Variants in MYO1E observed in about 807,000 individuals in gnomAD.
MYO1E encodes myosin IE.
In MYO1E, 68 loss-of-function variants were observed where a neutral mutation model predicts 151.1. The ratio of observed to expected loss-of-function variants is 0.45; its 90% CI spans 0.37 to 0.55. The LOEUF (loss-of-function observed/expected upper bound fraction) is 0.55. MYO1E is among the 20% of genes least tolerant of loss of function. The pLI is 0.00. For missense variants in MYO1E, 1,363 were observed against 1,389.3 expected, an observed-to-expected ratio of 0.98 and a Z score of 0.30; for synonymous variants, 601 against 501.7, an observed-to-expected ratio of 1.20 and a Z score of -2.64.
chr15:59,176,065 T>TTGG (rs2079622972), intron 19 of MYO1E, among the ~76,000 whole-genome samples: 1 of 151,956 alleles, frequency 6.6e-6, no homozygotes, highest in Non-Finnish European at 1.5e-5. Flanking sequence ...GTTGTTGTTG[T>TTGG]TGTTGTTTTC....
chr15:59,356,237 C>T (rs187662427), intron 1 of MYO1E, among the ~76,000 whole-genome samples: 56 of 152,300 alleles, frequency 3.7e-4, no homozygotes, highest in African/African-American at 1.3e-3. Flanking sequence ...CTTTCAGGTG[C>T]CCTTTTAAGT....
At chr15:59,254,746 TTGTG>T (rs2080184460) in intron 4 of MYO1E, among the ~76,000 whole-genome samples, 1 of 152,178 alleles carries the variant, frequency 6.6e-6, no homozygotes, top group African/African-American at 2.4e-5. Flanking sequence ...TATGATAAGA[TTGTG>T]AACTGTCAAA....
Position 59,135,376 on chromosome 15 carries a change from G to A in MYO1E, c.*2004C>T, listed in dbSNP as rs150465578. ...ATGATAACAAGGGAAGATGGTCCTG[G>A]TGTTCCTGCCCTGAGAACGCAGCCT... On this transcript the variant is annotated 3_prime_UTR_variant, in exon 28 of 28. Transcript: ENST00000288235. The A allele has an allele frequency of 2.5e-4, 38 of 151,304 alleles. No individual in the cohort carries two copies. The highest frequency in any genetic ancestry group is 9.1e-4 in the African/African-American group (37 of 40,734). 9.4% of individuals were successfully genotyped at this position (151,304 alleles called of 1,614,324 possible). A position where few individuals can be genotyped will look rare whatever the true frequency, so the allele number is the denominator to read the frequency against.
intron 1 of MYO1E, among the ~76,000 whole-genome samples, chr15:59,351,902 T>C (rs908529062): frequency 6.6e-5 from 10 of 152,228 alleles, no homozygotes; most frequent in African/African-American, 2.4e-4. Context: ...AAGGCTGGGC[T>C]CTTTTCAATG....
intron 2 of MYO1E, among the ~76,000 whole-genome samples, chr15:59,269,679 A>T (rs1835503614): frequency 6.6e-6 from 1 of 152,010 alleles, no homozygotes; most frequent in Admixed American, 6.6e-5. Flanking sequence ...AACATGGTGA[A>T]TGAAACCCCA....
At chr15:59,216,517 CTAAT>C (rs1306315776) in intron 10 of MYO1E, among the ~76,000 whole-genome samples, 1 of 150,322 alleles carries the variant, frequency 6.7e-6, no homozygotes, top group Non-Finnish European at 1.5e-5. Context: ...TGCTGAAAGA[CTAAT>C]TGTCAGAATA....
intron 9 of MYO1E, among the ~76,000 whole-genome samples, chr15:59,222,142 C>G (rs551934662): frequency 3.9e-5 from 6 of 152,240 alleles, no homozygotes; most frequent in South Asian, 2.1e-4. Flanking sequence ...GAACTTCCCT[C>G]TTTTATCAGA....
chr15:59,215,056 T>G (rs2079904657), intron 10 of MYO1E, among the ~76,000 whole-genome samples: 1 of 152,204 alleles, frequency 6.6e-6, no homozygotes, highest in African/African-American at 2.4e-5. Flanking sequence ...TAAAACCTAT[T>G]TCACACAAAG....
intron 1 of MYO1E, among the ~76,000 whole-genome samples, chr15:59,316,001 G>A (rs574113532): frequency 9.2e-5 from 14 of 152,144 alleles, no homozygotes; most frequent in Non-Finnish European, 1.5e-4. Context: ...TGAGGCACCC[G>A]TGGGCCAACA....
At chr15:59,137,496 G>A (rs776195113) in intron 27 of MYO1E, 40 bp from the exon 28 acceptor site, 3 of 1,558,790 alleles carry the variant, frequency 1.9e-6, no homozygotes, top group Non-Finnish European at 2.7e-6. Flanking sequence ...AGATGAGAAA[G>A]TCTGTTCTGC....
intron 1 of MYO1E, among the ~76,000 whole-genome samples, chr15:59,300,543 G>C (rs62002738): frequency 6.6e-6 from 1 of 152,162 alleles, no homozygotes; most frequent in East Asian, 1.9e-4. Context: ...AGCACAAGAG[G>C]AAGTGAGTCT....
chr15:59,314,123 G>C (rs746677998), intron 1 of MYO1E, among the ~76,000 whole-genome samples: 1 of 152,150 alleles, frequency 6.6e-6, no homozygotes, highest in Non-Finnish European at 1.5e-5. Flanking sequence ...ACAGAGGACT[G>C]TCATTTTAGG....
At position 59,372,515 on chromosome 15, in the gene MYO1E, C is replaced by T. The variant is rs1457131025; in HGVS notation, c.-15G>A. On this transcript the variant is annotated 5_prime_UTR_variant, in exon 1 of 28. Transcript: ENST00000288235. ...CAACTCACCATGGTGACTCGCGCCG[C>T]GGTCGCGTCTTCGCCGGGTCCCGCT... The T allele has an allele frequency of 2.0e-6, 3 of 1,535,928 alleles. No individual in the cohort carries two copies. Among genetic ancestry groups the T allele is most frequent in the African/African-American group, 1.4e-5 (1 of 72,830 alleles).
At position 59,199,036 on chromosome 15, in the gene MYO1E, G is replaced by A. The variant is rs895432519; in HGVS notation, c.1698+3290C>T. Reference sequence around the variant, plus strand: ...AATATGGGATGAGTATCCCTTATCCGAAATGCTTGGGAAGGGAAGTGTTTC... The same window carrying A: ...AATATGGGATGAGTATCCCTTATCCAAAATGCTTGGGAAGGGAAGTGTTTC... On this transcript the variant is annotated intron_variant, in intron 16 of 27. Coordinates refer to ENST00000288235, the MANE Select transcript of MYO1E (RefSeq NM_004998.4). Among the ~76,000 whole-genome samples the A allele has an allele frequency of 5.3e-5, 8 of 152,208 alleles. No individual in the cohort carries two copies. In the South Asian group the frequency reaches 6.2e-4, roughly 12 times the overall value.
intron 23 of MYO1E, among the ~76,000 whole-genome samples, chr15:59,162,648 G>GAA (rs1217244778): frequency 1.5e-5 from 1 of 65,186 alleles, no homozygotes; most frequent in Non-Finnish European, 3.4e-5. Flanking sequence ...GCCATCTCAA[G>GAA]AAAAAAAAAA....
intron 1 of MYO1E, among the ~76,000 whole-genome samples, chr15:59,351,216 G>A (rs546585869): frequency 1.1e-3 from 169 of 152,266 alleles, no homozygotes; most frequent in Non-Finnish European, 4.9e-4. Context: ...GTTTTTTAAG[G>A]ATTCAGATGA....
intron 12 of MYO1E, among the ~76,000 whole-genome samples, chr15:59,213,865 T>C (rs1318320546): frequency 2.6e-5 from 4 of 152,122 alleles, no homozygotes; most frequent in Non-Finnish European, 5.9e-5. Flanking sequence ...AGATTGAAAA[T>C]GGCGTAGATC....
intron 15 of MYO1E, among the ~76,000 whole-genome samples, chr15:59,204,444 T>C (rs1032182): frequency 0.31 from 46,517 of 152,108 alleles, 7,599 homozygotes; most frequent in East Asian, 0.59. Flanking sequence ...GCTTAACTAA[T>C]AGAGAGCAAA....
intron 1 of MYO1E, among the ~76,000 whole-genome samples, chr15:59,317,111 G>A (rs192184312): frequency 5.3e-5 from 8 of 151,684 alleles, no homozygotes; most frequent in South Asian, 4.1e-4. Flanking sequence ...ATCTTTATCC[G>A]TCTATCTATC....
Sources: allele counts gnomAD v4.1 joint callset (sites outside exome capture counted in the v4.1 genomes callset), GRCh38; gene constraint gnomAD v4.1.1; transcripts MANE v1.5; gene names NCBI Gene and HGNC (gene_info 2026-07-23, HGNC 2026-07-21).